ZC3H12B: variants seen among roughly 807,000 people sequenced by gnomAD.
ZC3H12B encodes the protein zinc finger CCCH-type containing 12B.
Under a neutral mutation model 43.9 loss-of-function variants are expected in ZC3H12B, and 7 were observed. The observed-to-expected ratio is 0.16, with a 90% confidence interval of 0.09 to 0.30. The LOEUF (loss-of-function observed/expected upper bound fraction) is 0.30. Among genes scored for constraint, ZC3H12B ranks in the 10% least tolerant of loss-of-function variants. The pLI is 1.00. For synonymous variants in ZC3H12B, 222 were observed against 241.7 expected (o/e 0.92, Z 0.76); for missense variants, 475 against 670.2 (o/e 0.71, Z 3.22).
At chrX:65,248,754 A>T in the ZC3H12B span, among the ~76,000 whole-genome samples, 1 of 111,564 alleles carries the variant, frequency 9.0e-6, no homozygotes, top group East Asian at 2.8e-4. Context: ...TATTTTTTTG[A>T]TTTTTTGATT....
At chrX:65,071,215 TTG>T in the ZC3H12B span, among the ~76,000 whole-genome samples, 1 of 110,783 alleles carries the variant, frequency 9.0e-6, no homozygotes, top group Non-Finnish European at 1.9e-5. Flanking sequence ...ATGCCTTTCT[TTG>T]TTCTTTTTGA....
chrX:65,390,296 C>A (rs991012126), intron 2 of ZC3H12B, among the ~76,000 whole-genome samples: 1 of 110,466 alleles, frequency 9.1e-6, no homozygotes, highest in South Asian at 3.9e-4. Context: ...AGGAGATATA[C>A]GTAATGTAAA....
chrX:65,423,508 C>T (rs1451587966), intron 3 of ZC3H12B, among the ~76,000 whole-genome samples: 1 of 112,362 alleles, frequency 8.9e-6, no homozygotes, highest in Admixed American at 9.4e-5. Context: ...TCCACATCCT[C>T]TCCAGCATCT....
intron 3 of ZC3H12B, among the ~76,000 whole-genome samples, chrX:65,411,751 A>G (rs1347809816): frequency 9.5e-6 from 1 of 105,576 alleles, no homozygotes; most frequent in African/African-American, 3.7e-5. Flanking sequence ...ATAAATAAAT[A>G]AATAAATAAT....
At chrX:65,082,819 G>C in the ZC3H12B span, among the ~76,000 whole-genome samples, 1 of 110,803 alleles carries the variant, frequency 9.0e-6, no homozygotes, top group Admixed American at 9.6e-5. Flanking sequence ...TAAAACTAAA[G>C]GTCAATATTG....
At chrX:65,410,656 A>G (rs2066893834) in intron 3 of ZC3H12B, among the ~76,000 whole-genome samples, 1 of 112,080 alleles carries the variant, frequency 8.9e-6, no homozygotes, top group Non-Finnish European at 1.9e-5. Flanking sequence ...ATAGCAAAAG[A>G]TTTGAATAAT....
At chrX:65,038,745 T>C in the ZC3H12B span, among the ~76,000 whole-genome samples, 1 of 111,314 alleles carries the variant, frequency 9.0e-6, no homozygotes, top group Non-Finnish European at 1.9e-5. Flanking sequence ...TAACATAGGG[T>C]CATTCTCAAT....
chrX:65,349,479 T>A, the ZC3H12B span, among the ~76,000 whole-genome samples: 1 of 110,482 alleles, frequency 9.1e-6, no homozygotes, highest in Non-Finnish European at 1.9e-5. Flanking sequence ...GCGAACAAAT[T>A]CAAAATGTAG....
intron 3 of ZC3H12B, among the ~76,000 whole-genome samples, chrX:65,440,805 G>A (rs1030132549): frequency 1.8e-5 from 2 of 111,858 alleles, no homozygotes; most frequent in Non-Finnish European, 1.9e-5. Context: ...TCTTAATTAC[G>A]AAAACTGGAG....
the ZC3H12B span, among the ~76,000 whole-genome samples, chrX:65,229,086 A>T: frequency 9.0e-6 from 1 of 110,518 alleles, no homozygotes; most frequent in Non-Finnish European, 1.9e-5. Context: ...GTCAATCCTA[A>T]GCCAAAAGAA....
intron 3 of ZC3H12B, among the ~76,000 whole-genome samples, chrX:65,407,778 G>C (rs1051967126): frequency 3.5e-5 from 4 of 113,595 alleles, no homozygotes; most frequent in African/African-American, 1.3e-4. Context: ...GGGGGTTGGA[G>C]CACTGCCCCC....
intron 1 of ZC3H12B, among the ~76,000 whole-genome samples, chrX:65,491,824 G>A (rs189171633): frequency 2.7e-4 from 29 of 108,886 alleles, no homozygotes; most frequent in Admixed American, 1.7e-3. Context: ...TATAAGGTAC[G>A]TAAAGCAGGC....
At chrX:65,168,221 A>G in the ZC3H12B span, among the ~76,000 whole-genome samples, 1 of 111,960 alleles carries the variant, frequency 8.9e-6, no homozygotes, top group Admixed American at 9.5e-5. Flanking sequence ...TCCATATCAA[A>G]TTTATTGAGA....
exon 5 of ZC3H12B, chrX:65,502,149 C>T (rs2068375461): frequency 2.5e-6 from 3 of 1,210,224 alleles, no homozygotes; most frequent in Non-Finnish European, 3.4e-6. Context: ...GCAGTGGGTG[C>T]ACTCAACACC....
chrX:65,484,603 C>G (rs1450748547), upstream of ZC3H12B, among the ~76,000 whole-genome samples: 1 of 112,351 alleles, frequency 8.9e-6, no homozygotes, highest in Non-Finnish European at 1.9e-5. Flanking sequence ...AAGTCTCTAT[C>G]AAAACATGCA....
chrX:65,374,015 A>G (rs1297556785), intron 2 of ZC3H12B, among the ~76,000 whole-genome samples: 18 of 39,272 alleles, frequency 4.6e-4, no homozygotes, highest in Admixed American at 1.2e-3. Context: ...ATATAACTAT[A>G]TATACAGTAT....
the ZC3H12B span, among the ~76,000 whole-genome samples, chrX:65,341,995 A>G: frequency 1.7e-4 from 19 of 111,176 alleles, no homozygotes; most frequent in South Asian, 3.8e-4. Context: ...CCAAGACCCA[A>G]TAATATGCTG....
the ZC3H12B span, among the ~76,000 whole-genome samples, chrX:65,123,658 A>C: frequency 9.2e-6 from 1 of 109,068 alleles, no homozygotes; most frequent in East Asian, 2.9e-4. Flanking sequence ...TTCTTTCAGC[A>C]GTGTAATATA....
chrX:65,055,293 A>G, the ZC3H12B span, among the ~76,000 whole-genome samples: 7 of 111,603 alleles, frequency 6.3e-5, no homozygotes, highest in African/African-American at 9.8e-5. Flanking sequence ...TTTTTAGCAT[A>G]AAGGGCTGTT....
Sources: allele counts gnomAD v4.1 joint callset (sites outside exome capture counted in the v4.1 genomes callset), GRCh38; gene constraint gnomAD v4.1.1; transcripts MANE v1.5; gene names NCBI Gene and HGNC (gene_info 2026-07-23, HGNC 2026-07-21).